Variants in ILRUN observed in about 807,000 individuals in gnomAD.
ILRUN encodes protein ILRUN.
Under a neutral mutation model 33.8 loss-of-function variants are expected in ILRUN, and 3 were observed. The ratio of observed to expected loss-of-function variants is 0.09; its 90% CI spans 0.04 to 0.23. The LOEUF (loss-of-function observed/expected upper bound fraction) is 0.23, where lower values mean the gene tolerates loss of function less well. Ranked by LOEUF, ILRUN falls within the 10% of genes least tolerant of loss-of-function variation. The pLI is 1.00. For synonymous variants in ILRUN, 124 were observed against 138.9 expected (o/e 0.89, Z 0.75); for missense variants, 210 against 375.1 (o/e 0.56, Z 3.64).
chr6:34,593,018 AT>A (rs1017721506), intron 4 of ILRUN, among the ~76,000 whole-genome samples: 1 of 151,434 alleles, frequency 6.6e-6, no homozygotes, highest in East Asian at 1.9e-4. Flanking sequence ...CCACGCGCAA[AT>A]TTTTTTTTAA....
chr6:34,595,565 G>GT (rs1432629087), intron 4 of ILRUN: 3 of 165,252 alleles, frequency 1.8e-5, no homozygotes, highest in Non-Finnish European at 3.7e-5. Flanking sequence ...TGACTGGTGA[G>GT]TCAGACGTTT....
intron 1 of ILRUN, among the ~76,000 whole-genome samples, chr6:34,665,578 C>T (rs1466153559): frequency 2.6e-5 from 4 of 151,966 alleles, no homozygotes; most frequent in Admixed American, 1.3e-4. Context: ...CGTGAGCCAC[C>T]ATGACCAGCT....
intron 1 of ILRUN, among the ~76,000 whole-genome samples, chr6:34,664,007 A>G (rs1762947452): frequency 6.6e-6 from 1 of 152,204 alleles, no homozygotes; most frequent in Non-Finnish European, 1.5e-5. Context: ...AGCTTTGAAG[A>G]AGGAGAAACA....
At chr6:34,630,193 A>C (rs538693340) in intron 3 of ILRUN, among the ~76,000 whole-genome samples, 105 of 152,308 alleles carry the variant, frequency 6.9e-4, no homozygotes, top group Non-Finnish European at 1.4e-3. Context: ...AGACAAAGGG[A>C]TGATTCATAT....
intron 1 of ILRUN, among the ~76,000 whole-genome samples, chr6:34,676,997 T>C (rs1342520556): frequency 1.0e-5 from 1 of 97,982 alleles, no homozygotes; most frequent in African/African-American, 5.9e-5. Context: ...TATGTCACAA[T>C]TAAAAAAAAA....
chr6:34,610,918 A>T (rs1271663674), intron 3 of ILRUN, among the ~76,000 whole-genome samples: 2 of 151,894 alleles, frequency 1.3e-5, no homozygotes, highest in Non-Finnish European at 2.9e-5. Context: ...TTTAGAACTA[A>T]AGCATCTTTA....
intron 1 of ILRUN, among the ~76,000 whole-genome samples, chr6:34,690,763 G>A (rs1315638814): frequency 7.8e-6 from 1 of 127,418 alleles, no homozygotes; most frequent in Non-Finnish European, 1.6e-5. Context: ...AACGAAAAAG[G>A]CTTAAATTGT....
At chr6:34,683,350 T>G (rs941106436) in intron 1 of ILRUN, among the ~76,000 whole-genome samples, 1 of 148,486 alleles carries the variant, frequency 6.7e-6, no homozygotes, top group Non-Finnish European at 1.5e-5. Context: ...TTTATATATA[T>G]AATTTTACAT....
chr6:34,651,765 A>ATC (rs1014735378), intron 2 of ILRUN, among the ~76,000 whole-genome samples: 1 of 146,904 alleles, frequency 6.8e-6, no homozygotes, highest in African/African-American at 2.5e-5. Context: ...ATATATATAT[A>ATC]TCTCACTGGT....
chr6:34,610,378 G>A (rs1210659181), intron 3 of ILRUN, among the ~76,000 whole-genome samples: 5 of 152,144 alleles, frequency 3.3e-5, no homozygotes, highest in Non-Finnish European at 7.3e-5. Context: ...CAATCCAATA[G>A]CAGGCAGCCT....
intron 1 of ILRUN, among the ~76,000 whole-genome samples, chr6:34,659,487 T>C (rs1321001282): frequency 6.6e-6 from 1 of 152,198 alleles, no homozygotes. Context: ...CTTAACATAC[T>C]AATTACCATT....
chr6:34,619,842 G>C (rs1009896243), intron 3 of ILRUN, among the ~76,000 whole-genome samples: 9 of 151,916 alleles, frequency 5.9e-5, no homozygotes, highest in Non-Finnish European at 1.0e-4. Context: ...AAAATTAGTC[G>C]AGCATGGTGG....
intron 1 of ILRUN, among the ~76,000 whole-genome samples, chr6:34,663,458 TGAAAG>T (rs1342789543): frequency 6.6e-6 from 1 of 151,926 alleles, no homozygotes; most frequent in Non-Finnish European, 1.5e-5. Flanking sequence ...ACTCTTAAAA[TGAAAG>T]GAGAGCACCT....
At position 34,589,959 on chromosome 6, in the gene ILRUN, GGT is replaced by G. The variant is rs1246136991; in HGVS notation, c.*604_*605del. On this transcript the variant is annotated 3_prime_UTR_variant, in exon 5 of 5. Transcript: ENST00000374023. Reference sequence around the variant, plus strand: ...ATTAAAGAGAAAAGAGGAGGAAAAGGGTGATAACTCATTGGCTGATGCCATTA... The same window carrying G: ...ATTAAAGAGAAAAGAGGAGGAAAAGGGATAACTCATTGGCTGATGCCATTA... 2 of 152,172 alleles carry G rather than the reference GGT, an allele frequency of 1.3e-5. No homozygotes were observed. The highest frequency in any genetic ancestry group is 2.9e-5 in the Non-Finnish European group (2 of 68,082). The allele number at this position is 152,172 out of a possible 1,614,324, so 9.4% of individuals were successfully genotyped here. A position where few individuals can be genotyped will look rare whatever the true frequency, so the allele number is the denominator to read the frequency against.
chr6:34,669,833 A>G (rs1245308000), intron 1 of ILRUN, among the ~76,000 whole-genome samples: 1 of 152,184 alleles, frequency 6.6e-6, no homozygotes, highest in Non-Finnish European at 1.5e-5. Flanking sequence ...AACATCATAA[A>G]CACTGTGCTA....
At chr6:34,681,580 T>G (rs1415849680) in intron 1 of ILRUN, among the ~76,000 whole-genome samples, 1 of 152,106 alleles carries the variant, frequency 6.6e-6, no homozygotes, top group African/African-American at 2.4e-5. Flanking sequence ...TCTGCCAACA[T>G]AGCAAGACCC....
intron 1 of ILRUN, among the ~76,000 whole-genome samples, chr6:34,671,357 G>T (rs1378561594): frequency 2.0e-5 from 3 of 152,220 alleles, no homozygotes; most frequent in African/African-American, 7.2e-5. Context: ...CTGCGCTCAA[G>T]CCTGGGTGAG....
chr6:34,673,751 CAGG>C, intron 1 of ILRUN, among the ~76,000 whole-genome samples: 2 of 152,076 alleles, frequency 1.3e-5, no homozygotes, highest in East Asian at 3.9e-4. Flanking sequence ...CACCTGTGCG[CAGG>C]AGGTCAAGGC....
intron 3 of ILRUN, among the ~76,000 whole-genome samples, chr6:34,626,814 G>C (rs1175252178): frequency 6.6e-6 from 1 of 152,124 alleles, no homozygotes; most frequent in African/African-American, 2.4e-5. Context: ...AGACCATCCT[G>C]ACCAACATGG....
Sources: gnomAD v4.1 joint callset for allele counts (sites outside exome capture counted in the v4.1 genomes callset) on GRCh38, gnomAD v4.1.1 for gene constraint, MANE v1.5 for transcripts, NCBI Gene and HGNC (gene_info 2026-07-23, HGNC 2026-07-21) for gene names.